Variants in SMURF1 observed in about 807,000 individuals in gnomAD.
SMURF1 encodes E3 ubiquitin-protein ligase SMURF1.
Under a neutral mutation model 98.0 loss-of-function variants are expected in SMURF1, and 44 were observed. The observed-to-expected ratio is 0.45, with a 90% CI of 0.35 to 0.58. SMURF1 has a LOEUF of 0.58. Among genes scored for constraint, SMURF1 ranks in the 20% least tolerant of loss-of-function variants. The pLI is 0.00. For missense variants in SMURF1, 687 were observed against 938.4 expected (o/e 0.73, Z 3.50); for synonymous variants, 396 against 374.9 (o/e 1.06, Z -0.65).
rs1563011898 is a variant in SMURF1 at position 99,061,834 on chromosome 7, A to G, written c.59T>C (p.Leu20Ser). 1 of 1,601,558 alleles carries G rather than the reference A, an allele frequency of 6.2e-7. No individual in the cohort carries two copies. Among genetic ancestry groups the G allele is most frequent in the East Asian group, 2.2e-5 (1 of 44,622 alleles). ...GSSIKIRLTV[L>S]CAKNLAKKDF... ...TTTCTTTGCAAGGTTCTTGGCACAT[A>G]ACACTAAAAACAAAGAAAAATTACT... The change falls in exon 2 of 18, where the codon TTA becomes TCA. Residue 20 changes from leucine (L) to serine (S), a missense_variant. This residue lies in a region of SMURF1 where 415 missense variants were observed against 508.4 expected (regional missense o/e 0.82). Transcript: ENST00000361368.
intron 1 of SMURF1, among the ~76,000 whole-genome samples, chr7:99,070,590 C>T (rs1457794678): frequency 6.6e-6 from 1 of 152,140 alleles, no homozygotes; most frequent in Non-Finnish European, 1.5e-5. Context: ...GAGGCTGAAA[C>T]AGTGCCTGGC....
intron 1 of SMURF1, among the ~76,000 whole-genome samples, chr7:99,066,111 G>A (rs1796186725): frequency 2.7e-5 from 4 of 150,918 alleles, no homozygotes; most frequent in South Asian, 4.2e-4. Flanking sequence ...TCTCAAATAC[G>A]TTACCTTCTT....
intron 15 of SMURF1, 151 bp downstream of exon 15, chr7:99,036,916 C>T: frequency 1.7e-6 from 2 of 1,162,100 alleles, no homozygotes; most frequent in Non-Finnish European, 1.2e-6. Context: ...ACTCCCCACT[C>T]TTGCTCCAGC....
intron 1 of SMURF1, among the ~76,000 whole-genome samples, chr7:99,117,831 G>A (rs1584197066): frequency 6.6e-6 from 1 of 151,804 alleles, no homozygotes; most frequent in East Asian, 2.0e-4. Flanking sequence ...TGTAATCCCA[G>A]CACTTTGGGA....
At chr7:99,134,763 T>C (rs974901262) in intron 1 of SMURF1, among the ~76,000 whole-genome samples, 1 of 152,190 alleles carries the variant, frequency 6.6e-6, no homozygotes, top group South Asian at 2.1e-4. Context: ...AGGTCAGAGA[T>C]AACCCCAAAT....
intron 1 of SMURF1, among the ~76,000 whole-genome samples, chr7:99,112,892 C>T (rs1196544853): frequency 6.6e-6 from 1 of 151,980 alleles, no homozygotes; most frequent in African/African-American, 2.4e-5. Context: ...TCACGAGAGG[C>T]TCAACAGCAG....
At chr7:99,135,100 C>T (rs1797960484) in intron 1 of SMURF1, among the ~76,000 whole-genome samples, 1 of 152,104 alleles carries the variant, frequency 6.6e-6, no homozygotes, top group African/African-American at 2.4e-5. Context: ...AATATTTTAG[C>T]CTTTTAAAAT....
chr7:99,054,831 G>T lies in SMURF1; in HGVS notation c.438C>A (p.Gly146=), dbSNP rs576446844. 3.1e-6 allele frequency: 5 copies of T among 1,613,992 alleles called. No individual in the cohort carries two copies. The South Asian group carries it at 4.4e-5, about 14-fold the overall frequency. The change falls in exon 6 of 18, where the codon GGC becomes GGA. Residue 146 remains glycine, a synonymous_variant. Transcript: ENST00000361368. ...SLQTRDRIGT[G]GSVVDCRGLL... ...GTCCTCTGCAGTCCACCACCGAGCCGCCGGTTCCTATTCTGTCTCGTGTCT... is the reference window on the plus strand; with the variant it reads ...GTCCTCTGCAGTCCACCACCGAGCCTCCGGTTCCTATTCTGTCTCGTGTCT...
intron 1 of SMURF1, among the ~76,000 whole-genome samples, chr7:99,118,568 TC>T (rs1422624722): frequency 3.9e-5 from 6 of 152,226 alleles, no homozygotes; most frequent in Non-Finnish European, 8.8e-5. Context: ...GATTTCATTT[TC>T]ATGAAACATG....
At chr7:99,054,603 G>A (rs894912643) in intron 6 of SMURF1, among the ~76,000 whole-genome samples, 187 bp downstream of exon 6, 2 of 152,184 alleles carry the variant, frequency 1.3e-5, no homozygotes, top group African/African-American at 4.8e-5. Context: ...ACCACGCCCA[G>A]CCAACTCCAG....
chr7:99,027,592 T>A lies in SMURF1; in HGVS notation c.*2992A>T, dbSNP rs1794736742. The A allele has an allele frequency of 6.6e-6, 1 of 152,622 alleles. No homozygotes were observed. Among genetic ancestry groups the A allele is most frequent in the Non-Finnish European group, 1.5e-5 (1 of 68,034 alleles). 9.5% of individuals were successfully genotyped at this position (152,622 alleles called of 1,614,324 possible). ...TCATTAAATACTTTTGATTTTGACATAGAACATTAGTGTACAACTTTCACA... is the reference window on the plus strand; with the variant it reads ...TCATTAAATACTTTTGATTTTGACAAAGAACATTAGTGTACAACTTTCACA... On this transcript the variant is annotated 3_prime_UTR_variant, in exon 18 of 18. Coordinates refer to ENST00000361368, the MANE Select transcript of SMURF1 (RefSeq NM_181349.3).
intron 11 of SMURF1, among the ~76,000 whole-genome samples, chr7:99,044,498 C>T (rs1017682424): frequency 1.3e-5 from 2 of 152,100 alleles, no homozygotes; most frequent in East Asian, 1.9e-4. Context: ...ATTTTGGTTA[C>T]AGAAGAGAAT....
chr7:99,071,097 T>C (rs912399552), intron 1 of SMURF1, among the ~76,000 whole-genome samples: 1 of 151,882 alleles, frequency 6.6e-6, no homozygotes, highest in Non-Finnish European at 1.5e-5. Flanking sequence ...TCTTGCTCTG[T>C]TGCCCAGGCT....
In SMURF1 at chr7:99,035,550, G is replaced by C. The variant is rs768762040; in HGVS notation, c.1976C>G (p.Thr659Arg). ...CTTGAAGCCTTGGAGCGGGACTCGCGTGGACCCAGTCACAAACTGCAGGAG... is the reference window on the plus strand; with the variant it reads ...CTTGAAGCCTTGGAGCGGGACTCGCCTGGACCCAGTCACAAACTGCAGGAG... The part of the protein sequence containing the change: ...ARLLQFVTGS[T>R]RVPLQGFKAL... The change falls in exon 16 of 18, where the codon ACG (threonine) becomes AGG (arginine). Residue 659 changes from threonine (T) to arginine (R), a missense_variant. Thr to Arg is a moderately conservative substitution (Grantham distance 71). This residue lies in a region of SMURF1 where 272 missense variants were observed against 430.0 expected (regional missense o/e 0.63). Coordinates refer to ENST00000361368, the MANE Select transcript of SMURF1 (RefSeq NM_181349.3). 1 of 1,614,218 alleles carries C rather than the reference G, an allele frequency of 6.2e-7. No homozygotes were observed. Among genetic ancestry groups the C allele is most frequent in the African/African-American group, 1.3e-5 (1 of 75,056 alleles).
chr7:99,074,281 G>A (rs1372362433), intron 1 of SMURF1, among the ~76,000 whole-genome samples: 3 of 152,174 alleles, frequency 2.0e-5, no homozygotes, highest in African/African-American at 2.4e-5. Flanking sequence ...TTATATACAT[G>A]TGTTCAGTTT....
At chr7:99,071,934 C>T (rs1360573017) in intron 1 of SMURF1, among the ~76,000 whole-genome samples, 1 of 151,842 alleles carries the variant, frequency 6.6e-6, no homozygotes, top group African/African-American at 2.4e-5. Flanking sequence ...TAGAAATTAG[C>T]CAGTTCAGTG....
intron 11 of SMURF1, 123 bp from the exon 12 acceptor site, chr7:99,042,355 C>G: frequency 1.6e-6 from 1 of 610,780 alleles, no homozygotes; most frequent in East Asian, 3.0e-5. Flanking sequence ...TCTTGGCTCA[C>G]TGCAACCTCT....
At chr7:99,036,463 G>C (rs1322284933) in intron 15 of SMURF1, 1 of 147,302 alleles carries the variant, frequency 6.8e-6, no homozygotes, top group Admixed American at 6.8e-5. Flanking sequence ...GAGCAACAGA[G>C]CGAGACCGTG....
At chr7:99,070,332 C>T (rs1046688049) in intron 1 of SMURF1, among the ~76,000 whole-genome samples, 1 of 152,170 alleles carries the variant, frequency 6.6e-6, no homozygotes, top group African/African-American at 2.4e-5. Context: ...GAAAGCTCTT[C>T]TAGAAACACT....
Sources: allele counts gnomAD v4.1 joint callset (sites outside exome capture counted in the v4.1 genomes callset), GRCh38; gene constraint gnomAD v4.1.1; regional missense constraint gnomAD v4.1.1; transcripts MANE v1.5; gene names NCBI Gene and HGNC (gene_info 2026-07-23, HGNC 2026-07-21).